The following METTL4 variants were observed in gnomAD, a reference collection of about 807,000 sequenced individuals.
METTL4 encodes the protein methyltransferase 4, N6-adenosine, also known as N(6)-adenine-specific methyltransferase METTL4.
A neutral mutation model predicts 54.0 loss-of-function variants in METTL4; 40 were observed. The ratio of observed to expected loss-of-function variants is 0.74; its 90% CI spans 0.58 to 0.96. The LOEUF (loss-of-function observed/expected upper bound fraction) is 0.96. Among genes scored for constraint, METTL4 ranks in the 50% least tolerant of loss-of-function variants. The pLI, the probability that METTL4 is intolerant of heterozygous loss-of-function variation, is 0.00. For missense variants in METTL4, 525 were observed against 549.0 expected, an observed-to-expected ratio of 0.96 and a Z score of 0.44; for synonymous variants, 169 against 183.8, an observed-to-expected ratio of 0.92 and a Z score of 0.65.
At chr18:2,557,428 C>G (rs2072255028) in intron 3 of METTL4, among the ~76,000 whole-genome samples, 1 of 152,144 alleles carries the variant, frequency 6.6e-6, no homozygotes, top group African/African-American at 2.4e-5. Flanking sequence ...GACAATTCAT[C>G]CTGAGTCTCT....
chr18:2,540,954 G>A, intron 8 of METTL4: 1 of 974,936 alleles, frequency 1.0e-6, no homozygotes, highest in Non-Finnish European at 1.2e-6. Flanking sequence ...TTAAACAAAG[G>A]AAGCAGAATA....
At position 2,552,779 on chromosome 18, in the gene METTL4, A is replaced by G. The variant is rs912495797; in HGVS notation, c.830-15T>C. ...TGTTTTCCTATCTGAAAACAAAGAT[A>G]CAATTTCAGAAAATACCTTCTCTAT... is the stretch of plus-strand genomic sequence containing the variant. On this transcript the variant is annotated splice_polypyrimidine_tract_variant and intron_variant, in intron 4 of 8. Transcript: ENST00000574538. 4.8e-5 allele frequency: 75 copies of G among 1,564,478 alleles called. No individual in the cohort carries two copies. The highest frequency in any genetic ancestry group is 6.5e-5 in the Non-Finnish European group (74 of 1,138,868).
intron 3 of METTL4, among the ~76,000 whole-genome samples, chr18:2,562,842 A>G (rs1272713849): frequency 6.6e-6 from 1 of 152,162 alleles, no homozygotes; most frequent in Non-Finnish European, 1.5e-5. Context: ...AGAGATGAAC[A>G]GCAGTGGTGT....
At chr18:2,546,519 G>A (rs2072072673) in intron 6 of METTL4, among the ~76,000 whole-genome samples, 2 of 152,004 alleles carry the variant, frequency 1.3e-5, no homozygotes, top group South Asian at 4.1e-4. Flanking sequence ...GCTTTTAGAA[G>A]ATATTCCAGT....
In METTL4 at chr18:2,547,467, T is replaced by C. The variant is rs191909027; in HGVS notation, c.962A>G (p.Asn321Ser). Reference sequence around the variant, plus strand: ...GGTCACCCAAGTAACAAGAAGACAGTTTGGAGCAGCCAATTTAGGGATAGG... The same window carrying C: ...GGTCACCCAAGTAACAAGAAGACAGCTTGGAGCAGCCAATTTAGGGATAGG... The part of the protein sequence containing the change: ...QIPIPKLAAP[N>S]CLLVTWVTNR... The change falls in exon 6 of 9, where the codon AAC (asparagine) becomes AGC (serine). Residue 321 changes from asparagine to serine, a missense_variant. Asn to Ser is a conservative substitution (Grantham distance 46). Coordinates refer to ENST00000574538, the MANE Select transcript of METTL4 (RefSeq NM_022840.5). 11 of 1,611,834 alleles carry C rather than the reference T, an allele frequency of 6.8e-6. No homozygotes were observed. In the Admixed American group the frequency reaches 1.2e-4, roughly 17 times the overall value.
intron 1 of METTL4, among the ~76,000 whole-genome samples, chr18:2,569,898 C>T (rs2072477118): frequency 6.6e-6 from 1 of 152,198 alleles, no homozygotes; most frequent in Non-Finnish European, 1.5e-5. Flanking sequence ...CTCCACCAGC[C>T]TAGGAAATTA....
chr18:2,569,787 G>A (rs1474364583), intron 1 of METTL4, among the ~76,000 whole-genome samples: 2 of 152,032 alleles, frequency 1.3e-5, no homozygotes, highest in Non-Finnish European at 1.5e-5. Context: ...CTCCCTCCCC[G>A]TCAAGTCTCT....
chr18:2,546,843 T>C (rs755165736), intron 6 of METTL4, among the ~76,000 whole-genome samples: 2 of 152,144 alleles, frequency 1.3e-5, no homozygotes, highest in African/African-American at 2.4e-5. Context: ...CAAAAGGCAC[T>C]GAGGACCTAA....
In METTL4 at chr18:2,537,735, G is replaced by T. The variant is rs1394001677; in HGVS notation, c.*1265C>A. 7.6e-6 allele frequency: 3 copies of T among 396,436 alleles called. No homozygotes were observed. Among genetic ancestry groups the T allele is most frequent in the Admixed American group, 4.4e-5 (1 of 22,690 alleles). The allele number at this position is 396,436 out of a possible 1,614,324, so 24.6% of individuals were successfully genotyped here. On this transcript the variant is annotated 3_prime_UTR_variant, in exon 9 of 9. Transcript: ENST00000574538. ...TCATTTCAGTCTAACATTTTACTTA[G>T]TGGATAAATATTTGTCAACAATCTG...
intron 1 of METTL4, among the ~76,000 whole-genome samples, chr18:2,569,972 T>C (rs1436139489): frequency 6.6e-6 from 1 of 152,176 alleles, no homozygotes; most frequent in Non-Finnish European, 1.5e-5. Context: ...CAGGTTTTGA[T>C]ATGGTGAAAA....
chr18:2,540,246 T>C, intron 8 of METTL4: 1 of 984,786 alleles, frequency 1.0e-6, no homozygotes, highest in Admixed American at 6.1e-5. Flanking sequence ...TTAATCTTGA[T>C]CATGCTGCTG....
intron 8 of METTL4, among the ~76,000 whole-genome samples, chr18:2,542,868 C>T (rs543691663): frequency 4.7e-4 from 72 of 152,250 alleles, no homozygotes; most frequent in Admixed American, 2.6e-4. Context: ...TGGCTCATGC[C>T]TGTAATCCCA....
At chr18:2,566,655 T>C (rs1598357971) in intron 2 of METTL4, 166 bp downstream of exon 2, 1 of 460,904 alleles carries the variant, frequency 2.2e-6, no homozygotes, top group Non-Finnish European at 3.6e-6. Context: ...CTAAGAATAG[T>C]TGAAGCTAGA....
At position 2,537,869 on chromosome 18, in the gene METTL4, T is replaced by C. The variant is rs2143447848; in HGVS notation, c.*1131A>G. ...TGAAATTCTCAAACAGCAGAACTAATGATAGAAAGCAAACCAGTGTTTGCC... is the reference window on the plus strand; with the variant it reads ...TGAAATTCTCAAACAGCAGAACTAACGATAGAAAGCAAACCAGTGTTTGCC... On this transcript the variant is annotated 3_prime_UTR_variant, in exon 9 of 9. Transcript: ENST00000574538. 5.0e-6 allele frequency: 2 copies of C among 398,402 alleles called. No homozygotes were observed. Among genetic ancestry groups the C allele is most frequent in the East Asian group, 7.1e-5 (2 of 28,054 alleles). 24.7% of individuals were successfully genotyped at this position (398,402 alleles called of 1,614,324 possible). A position where few individuals can be genotyped will look rare whatever the true frequency, so the allele number is the denominator to read the frequency against.
At chr18:2,544,118 G>T in intron 8 of METTL4, 77 bp downstream of exon 8, 2 of 1,078,148 alleles carry the variant, frequency 1.9e-6, no homozygotes, top group South Asian at 1.5e-5. Flanking sequence ...CGAATCTGTA[G>T]GCCGTTTAAA....
intron 8 of METTL4, 66 bp downstream of exon 8, chr18:2,544,129 T>C: frequency 7.9e-7 from 1 of 1,272,142 alleles, no homozygotes; most frequent in Non-Finnish European, 1.1e-6. Context: ...GCCGTTTAAA[T>C]ACTAAATGTA....
At chr18:2,544,780 A>G (rs761986479) in intron 6 of METTL4, 21 bp from the exon 7 acceptor site, 2 of 1,529,424 alleles carry the variant, frequency 1.3e-6, no homozygotes, top group South Asian at 2.2e-5. Flanking sequence ...GGAGCCAACA[A>G]AAGAGGGTTA....
intron 5 of METTL4, among the ~76,000 whole-genome samples, chr18:2,548,046 T>C (rs2072097980): frequency 6.6e-6 from 1 of 152,170 alleles, no homozygotes; most frequent in Non-Finnish European, 1.5e-5. Context: ...TGCTGACTCC[T>C]TCACAGGGAG....
intron 6 of METTL4, among the ~76,000 whole-genome samples, chr18:2,545,869 T>C (rs2143488548): frequency 6.6e-6 from 1 of 152,260 alleles, no homozygotes; most frequent in African/African-American, 2.4e-5. Context: ...ACATAATAGA[T>C]GATATTTATG....
Sources: allele counts gnomAD v4.1 joint callset (sites outside exome capture counted in the v4.1 genomes callset), GRCh38; gene constraint gnomAD v4.1.1; transcripts MANE v1.5; gene names NCBI Gene and HGNC (gene_info 2026-07-23, HGNC 2026-07-21).